Variants in PPARGC1B observed in about 807,000 individuals in gnomAD.
The protein encoded by PPARGC1B is PPARG coactivator 1 beta, also known as peroxisome proliferator-activated receptor gamma coactivator 1-beta.
Under a neutral mutation model 101.6 loss-of-function variants are expected in PPARGC1B, and 34 were observed. The ratio of observed to expected loss-of-function variants is 0.33; its 90% confidence interval spans 0.25 to 0.45. PPARGC1B has a LOEUF of 0.45. PPARGC1B is among the 20% of genes least tolerant of loss of function. The pLI, the probability that PPARGC1B is intolerant of heterozygous loss-of-function variation, is 1.00. For missense variants in PPARGC1B, 1,234 were observed against 1,317.6 expected (o/e 0.94, Z 0.98); for synonymous variants, 548 against 539.3 (o/e 1.02, Z -0.22).
intron 1 of PPARGC1B, among the ~76,000 whole-genome samples, chr5:149,798,266 C>CA (rs1175556542): frequency 2.0e-5 from 3 of 152,182 alleles, no homozygotes; most frequent in Admixed American, 1.3e-4. Context: ...GTCCGCACCA[C>CA]AAAAAAATCA....
In PPARGC1B at chr5:149,847,552, G is replaced by A. The variant is rs1325297613; in HGVS notation, c.3066G>A (p.Leu1022=). ...DSLLKEAQQS[L]H ...TACTGAAAGAGGCCCAGCAGAGCCT[G>A]CATTGATAACAGCCTTAACCCTCGA... Residue 1022 remains leucine (L), a synonymous_variant, in exon 12 of 12, where the codon CTG becomes CTA. Transcript: ENST00000309241. The A allele has an allele frequency of 1.9e-6, 3 of 1,612,850 alleles. No individual in the cohort carries two copies. The highest frequency in any genetic ancestry group is 2.5e-6 in the Non-Finnish European group (3 of 1,178,860).
At chr5:149,777,802 C>T (rs1218226056) in intron 1 of PPARGC1B, among the ~76,000 whole-genome samples, 4 of 142,654 alleles carry the variant, frequency 2.8e-5, no homozygotes, top group Non-Finnish European at 6.1e-5. Flanking sequence ...CACACACACA[C>T]ACACACACAC....
intron 1 of PPARGC1B, among the ~76,000 whole-genome samples, chr5:149,799,558 A>G (rs1312440333): frequency 6.6e-6 from 1 of 152,144 alleles, no homozygotes; most frequent in African/African-American, 2.4e-5. Context: ...ATGTATGTGC[A>G]CTGGGGACAC....
chr5:149,794,534 A>G (rs1293273013), intron 1 of PPARGC1B, among the ~76,000 whole-genome samples: 1 of 141,408 alleles, frequency 7.1e-6, no homozygotes, highest in Admixed American at 7.1e-5. Flanking sequence ...GCACACACAC[A>G]CACACACACA....
At chr5:149,766,083 T>C (rs1755903584) in intron 1 of PPARGC1B, among the ~76,000 whole-genome samples, 1 of 152,228 alleles carries the variant, frequency 6.6e-6, no homozygotes, top group Non-Finnish European at 1.5e-5. Context: ...AGCTATCACC[T>C]CTGAACCCTC....
At chr5:149,813,927 A>G (rs1757952935) in intron 1 of PPARGC1B, among the ~76,000 whole-genome samples, 1 of 152,174 alleles carries the variant, frequency 6.6e-6, no homozygotes, top group African/African-American at 2.4e-5. Context: ...GGTCTGTTTT[A>G]TAAGGGTACG....
At chr5:149,813,975 G>A (rs1370285069) in intron 1 of PPARGC1B, among the ~76,000 whole-genome samples, 2 of 152,120 alleles carry the variant, frequency 1.3e-5, no homozygotes, top group Non-Finnish European at 2.9e-5. Context: ...CAGAGGCCTC[G>A]CCTCCTCATG....
At chr5:149,831,903 T>G (rs993858894) in intron 4 of PPARGC1B, among the ~76,000 whole-genome samples, 2 of 152,228 alleles carry the variant, frequency 1.3e-5, no homozygotes, top group African/African-American at 4.8e-5. Flanking sequence ...TTTTTTAAAC[T>G]TTATTGAAGT....
chr5:149,828,142 G>A (rs1383548463), intron 3 of PPARGC1B, among the ~76,000 whole-genome samples: 1 of 152,208 alleles, frequency 6.6e-6, no homozygotes, highest in African/African-American at 2.4e-5. Context: ...TTCACTCCTA[G>A]TCTAGGACCC....
chr5:149,813,495 A>C (rs991323749), intron 1 of PPARGC1B, among the ~76,000 whole-genome samples: 3 of 152,192 alleles, frequency 2.0e-5, no homozygotes, highest in Admixed American at 1.3e-4. Flanking sequence ...TGGCTGGTCA[A>C]AGTTGACAGA....
intron 1 of PPARGC1B, among the ~76,000 whole-genome samples, chr5:149,744,760 A>G (rs562104166): frequency 6.6e-6 from 1 of 152,186 alleles, no homozygotes; most frequent in East Asian, 1.9e-4. Context: ...GTTGTCTTTT[A>G]TGTTTCCAAG....
rs1167225157 is a variant in PPARGC1B, at chr5:149,836,631, G to A, written c.2176G>A (p.Gly726Ser). Residue 726 changes from glycine (G) to serine (S), a missense_variant, in exon 8 of 12, where the codon GGT becomes AGT. This residue lies in a region of PPARGC1B where 497 missense variants were observed against 529.5 expected (regional missense o/e 0.94). Transcript: ENST00000309241. ...GVHLEDWPQQ[G>S]APWAEAQAPG... ...TCACCTTGAGGACTGGCCCCAGCAG[G>A]GTGCCCCTTGGGCTGAGGCACAGGC... 4 of 1,613,720 alleles carry A rather than the reference G, an allele frequency of 2.5e-6. No homozygotes were observed. The highest frequency in any genetic ancestry group is 3.4e-6 in the Non-Finnish European group (4 of 1,180,040).
At chr5:149,764,663 ATTATTTCAT>A (rs1279836034) in intron 1 of PPARGC1B, among the ~76,000 whole-genome samples, 1 of 152,256 alleles carries the variant, frequency 6.6e-6, no homozygotes, top group Non-Finnish European at 1.5e-5. Flanking sequence ...AGTGATTCAC[ATTATTTCAT>A]TTTAATAACT....
At chr5:149,761,901 G>A (rs1232030325) in intron 1 of PPARGC1B, among the ~76,000 whole-genome samples, 4 of 152,176 alleles carry the variant, frequency 2.6e-5, no homozygotes, top group Admixed American at 1.3e-4. Context: ...GTGGTACTGT[G>A]AGGGTAAAAT....
rs1759699134 is a variant in PPARGC1B, at chr5:149,849,671, TGGCTGG to T, written c.*2115_*2120del. ...CCAACAATCACACAAAACCATATGC[TGGCTGG>T]GTTTCATGCTGGCCTATCCCTGTCT... On this transcript the variant is annotated 3_prime_UTR_variant, in exon 12 of 12. Coordinates refer to ENST00000309241, the MANE Select transcript of PPARGC1B (RefSeq NM_133263.4). 6.6e-6 allele frequency: 1 copy of T among 152,254 alleles called. No individual in the cohort carries two copies. Among genetic ancestry groups the T allele is most frequent in the Non-Finnish European group, 1.5e-5 (1 of 68,048 alleles). The allele number at this position is 152,254 out of a possible 1,614,324, so 9.4% of individuals were successfully genotyped here.
intron 1 of PPARGC1B, among the ~76,000 whole-genome samples, chr5:149,788,639 C>T (rs543890206): frequency 6.6e-5 from 10 of 152,228 alleles, no homozygotes; most frequent in South Asian, 4.2e-4. Flanking sequence ...ATGTTTATTG[C>T]GGCACTATTC....
At chr5:149,764,529 C>G (rs1039638308) in intron 1 of PPARGC1B, among the ~76,000 whole-genome samples, 2 of 152,184 alleles carry the variant, frequency 1.3e-5, no homozygotes, top group African/African-American at 4.8e-5. Context: ...GGAAAGACTG[C>G]ATAGACACAG....
chr5:149,784,560 C>CTTGTTTTTTTTTTTTTTTTTTT (rs1756717568), intron 1 of PPARGC1B, among the ~76,000 whole-genome samples: 1 of 75,716 alleles, frequency 1.3e-5, no homozygotes, highest in Non-Finnish European at 2.4e-5. Context: ...AACTGAGTTT[C>CTTGTTTTTTTTTTTTTTTTTTT]TTTTTTTTTT....
At chr5:149,810,854 T>C (rs1009397226) in intron 1 of PPARGC1B, among the ~76,000 whole-genome samples, 1 of 152,048 alleles carries the variant, frequency 6.6e-6, no homozygotes, top group Non-Finnish European at 1.5e-5. Flanking sequence ...AGAGATTCAT[T>C]CACAAAAAGT....
Sources: allele counts gnomAD v4.1 joint callset (sites outside exome capture counted in the v4.1 genomes callset), GRCh38; gene constraint gnomAD v4.1.1; regional missense constraint gnomAD v4.1.1; transcripts MANE v1.5; gene names NCBI Gene and HGNC (gene_info 2026-07-23, HGNC 2026-07-21).